SYT1: variants seen among roughly 807,000 people sequenced by gnomAD.
SYT1 encodes the protein synaptotagmin-1.
SYT1 carries 8 observed loss-of-function variants against 44.8 expected under a neutral mutation model. The observed-to-expected ratio is 0.18, with a 90% CI of 0.10 to 0.32. SYT1 has a LOEUF of 0.32. SYT1 is among the 10% of genes least tolerant of loss of function. The pLI is 1.00. For missense variants in SYT1, 286 were observed against 509.3 expected (o/e 0.56, Z 4.22); for synonymous variants, 154 against 188.8 (o/e 0.82, Z 1.51).
chr12:79,255,423 C>CT (rs1399771820), intron 4 of SYT1, among the ~76,000 whole-genome samples: 1 of 152,250 alleles, frequency 6.6e-6, no homozygotes, highest in Non-Finnish European at 1.5e-5. Context: ...GTAAACAGAA[C>CT]TTTTATATGC....
At chr12:79,180,257 C>G (rs1378378998) in intron 3 of SYT1, among the ~76,000 whole-genome samples, 1 of 151,896 alleles carries the variant, frequency 6.6e-6, no homozygotes, top group Non-Finnish European at 1.5e-5. Flanking sequence ...AAATAAAGAG[C>G]TTTTCTAGAA....
intron 3 of SYT1, among the ~76,000 whole-genome samples, chr12:79,164,217 G>A (rs1198026547): frequency 6.6e-6 from 1 of 152,078 alleles, no homozygotes; most frequent in Non-Finnish European, 1.5e-5. Flanking sequence ...TACCATCGGG[G>A]ATAAATTACT....
intron 1 of SYT1, among the ~76,000 whole-genome samples, chr12:78,940,903 G>T (rs1000622298): frequency 6.6e-6 from 1 of 152,012 alleles, no homozygotes; most frequent in Admixed American, 6.6e-5. Context: ...GTTTCAGAAA[G>T]GTCAACATTG....
At chr12:79,141,135 T>A (rs1386053506) in intron 3 of SYT1, among the ~76,000 whole-genome samples, 1 of 152,226 alleles carries the variant, frequency 6.6e-6, no homozygotes, top group Admixed American at 6.5e-5. Context: ...GTATTGTTTT[T>A]AATTCAGCAA....
At chr12:78,892,953 T>C (rs1470946058) in intron 1 of SYT1, among the ~76,000 whole-genome samples, 1 of 151,868 alleles carries the variant, frequency 6.6e-6, no homozygotes, top group African/African-American at 2.4e-5. Flanking sequence ...ATAAGTAGCA[T>C]TATAATATTC....
At chr12:79,268,111 A>G (rs1368447538) in intron 4 of SYT1, among the ~76,000 whole-genome samples, 2 of 152,226 alleles carry the variant, frequency 1.3e-5, no homozygotes, top group Non-Finnish European at 2.9e-5. Flanking sequence ...CACAGGAAGT[A>G]CAGAAATCAG....
chr12:79,439,524 C>T (rs1593068287), intron 9 of SYT1, among the ~76,000 whole-genome samples: 1 of 152,102 alleles, frequency 6.6e-6, no homozygotes, highest in Non-Finnish European at 1.5e-5. Context: ...TTCCCATTTG[C>T]TAATGGTGGT....
At chr12:79,215,239 A>G (rs1874710793) in intron 3 of SYT1, among the ~76,000 whole-genome samples, 1 of 152,226 alleles carries the variant, frequency 6.6e-6, no homozygotes, top group African/African-American at 2.4e-5. Context: ...CAATTGATCA[A>G]TCAATTGATT....
intron 3 of SYT1, among the ~76,000 whole-genome samples, chr12:79,164,038 A>G (rs1052794713): frequency 3.9e-5 from 6 of 152,070 alleles, no homozygotes; most frequent in African/African-American, 1.2e-4. Context: ...ATTGACATAC[A>G]TATCTGTATC....
intron 9 of SYT1, among the ~76,000 whole-genome samples, chr12:79,360,478 A>G (rs1443798207): frequency 6.6e-6 from 1 of 152,220 alleles, no homozygotes; most frequent in African/African-American, 2.4e-5. Context: ...ACAACAAAGA[A>G]AAACACTCCA....
At chr12:79,214,180 T>G (rs1874637879) in intron 3 of SYT1, among the ~76,000 whole-genome samples, 1 of 152,188 alleles carries the variant, frequency 6.6e-6, no homozygotes, top group African/African-American at 2.4e-5. Flanking sequence ...CCACAACATT[T>G]TTGTATTTTA....
intron 2 of SYT1, among the ~76,000 whole-genome samples, chr12:78,987,075 A>G (rs10161503): frequency 0.046 from 6,993 of 152,136 alleles, 197 homozygotes; most frequent in African/African-American, 0.078. Flanking sequence ...CTTAAATTTC[A>G]GATGCTTCCA....
At chr12:79,015,200 TTAAAG>T (rs1221565336) in intron 2 of SYT1, among the ~76,000 whole-genome samples, 1 of 151,818 alleles carries the variant, frequency 6.6e-6, no homozygotes, top group Non-Finnish European at 1.5e-5. Flanking sequence ...ACCCTAAAAC[TTAAAG>T]TATAATAATA....
At chr12:79,410,767 C>T (rs1251153972) in intron 9 of SYT1, among the ~76,000 whole-genome samples, 5 of 152,006 alleles carry the variant, frequency 3.3e-5, no homozygotes, top group South Asian at 2.1e-4. Context: ...GTTATGCCCT[C>T]AAAACTGACT....
Position 79,450,205 on chromosome 12 carries a change from C to CAA in SYT1, c.*1082_*1083dup, listed in dbSNP as rs1870974100. ...GAAGGAATGCAGGATATTTTTAACA[C>CAA]AACAATCTGTGCTTATTACACAAAA... On this transcript the variant is annotated 3_prime_UTR_variant, in exon 11 of 11. Coordinates refer to ENST00000261205, the MANE Select transcript of SYT1 (RefSeq NM_005639.3). 1 of 152,604 alleles carries CAA rather than the reference C, an allele frequency of 6.6e-6. No individual in the cohort carries two copies. The highest frequency in any genetic ancestry group is 2.4e-5 in the African/African-American group (1 of 41,526). The allele number at this position is 152,604 out of a possible 1,614,324, so 9.5% of individuals were successfully genotyped here.
chr12:79,053,750 T>G (rs1039183729), intron 3 of SYT1, among the ~76,000 whole-genome samples: 4 of 151,588 alleles, frequency 2.6e-5, no homozygotes. Context: ...ATTGTAAAAA[T>G]AAGTTGTTTT....
chr12:79,217,783 T>G, intron 4 of SYT1, 98 bp downstream of exon 4: 1 of 930,356 alleles, frequency 1.1e-6, no homozygotes. Flanking sequence ...TACTATAAAT[T>G]TACATTTAAT....
At chr12:79,023,895 T>C (rs1156322821) in intron 2 of SYT1, among the ~76,000 whole-genome samples, 1 of 151,758 alleles carries the variant, frequency 6.6e-6, no homozygotes, top group East Asian at 1.9e-4. Flanking sequence ...CCTAAACACT[T>C]AAGTATGTAC....
chr12:79,107,750 G>A (rs906240653), intron 3 of SYT1, among the ~76,000 whole-genome samples: 1 of 151,826 alleles, frequency 6.6e-6, no homozygotes, highest in Non-Finnish European at 1.5e-5. Context: ...CTAAAAACCA[G>A]TAACTTGATG....
Sources: allele counts gnomAD v4.1 joint callset (sites outside exome capture counted in the v4.1 genomes callset), GRCh38; gene constraint gnomAD v4.1.1; transcripts MANE v1.5; gene names NCBI Gene and HGNC (gene_info 2026-07-23, HGNC 2026-07-21).